Variants in CENPP observed in about 807,000 individuals in gnomAD.
The protein encoded by CENPP is centromere protein P.
A neutral mutation model predicts 35.6 loss-of-function variants in CENPP; 24 were observed. The ratio of observed to expected loss-of-function variants is 0.67; its 90% CI spans 0.49 to 0.95. The LOEUF (loss-of-function observed/expected upper bound fraction) is 0.95, where lower values mean the gene tolerates loss of function less well. Among genes scored for constraint, CENPP ranks in the 40% least tolerant of loss-of-function variants. CENPP has a pLI of 0.00. For synonymous variants in CENPP, 120 were observed against 125.5 expected (o/e 0.96, Z 0.29); for missense variants, 332 against 345.3 (o/e 0.96, Z 0.31).
intron 5 of CENPP, among the ~76,000 whole-genome samples, chr9:92,426,446 A>T (rs1003525248): frequency 6.6e-6 from 1 of 152,190 alleles, no homozygotes; most frequent in Non-Finnish European, 1.5e-5. Context: ...CTTTGTGCAG[A>T]TTTTAGATGC....
intron 5 of CENPP, among the ~76,000 whole-genome samples, chr9:92,437,933 G>A (rs184368523): frequency 4.6e-5 from 7 of 151,466 alleles, no homozygotes; most frequent in African/African-American, 7.3e-5. Flanking sequence ...TCAGCATCTC[G>A]AGTAGCTGAG....
intron 5 of CENPP, among the ~76,000 whole-genome samples, chr9:92,604,783 C>T (rs1439089619): frequency 3.3e-5 from 5 of 151,758 alleles, no homozygotes; most frequent in Admixed American, 2.0e-4. Flanking sequence ...TTAGTAGAGA[C>T]GGGTTTTACT....
chr9:92,509,850 T>A (rs1847229131), intron 5 of CENPP: 1 of 1,557,588 alleles, frequency 6.4e-7, no homozygotes, highest in Non-Finnish European at 8.6e-7. Context: ...CAGGACTATA[T>A]AGGAAAGATT....
chr9:92,358,596 C>T (rs1321650358), intron 4 of CENPP, among the ~76,000 whole-genome samples: 2 of 152,106 alleles, frequency 1.3e-5, no homozygotes, highest in African/African-American at 4.8e-5. Context: ...TTTTATTTCT[C>T]AGACTTGACA....
chr9:92,451,978 T>G (rs1844723842), intron 5 of CENPP, among the ~76,000 whole-genome samples: 1 of 151,286 alleles, frequency 6.6e-6, no homozygotes, highest in South Asian at 2.1e-4. Flanking sequence ...AAGTTGCTTA[T>G]CAGCTTAAGG....
chr9:92,550,233 T>G (rs1849559724), intron 5 of CENPP, among the ~76,000 whole-genome samples: 1 of 152,054 alleles, frequency 6.6e-6, no homozygotes, highest in African/African-American at 2.4e-5. Context: ...CCGTCTCTAC[T>G]AAAATACACA....
Position 92,599,211 on chromosome 9 carries a change from G to A in CENPP, c.565-12103G>A, listed in dbSNP as rs926289466. 5.9e-5 allele frequency among the ~76,000 whole-genome samples: 9 copies of A among 152,082 alleles called. No homozygotes were observed. In the South Asian group the frequency reaches 1.9e-3, roughly 32 times the overall value. ...TTGAAAACCATTTTACTATTCAGAAGCACAGAAATGGCCCAAACCAGGCCC... is the reference window on the plus strand; with the variant it reads ...TTGAAAACCATTTTACTATTCAGAAACACAGAAATGGCCCAAACCAGGCCC... On this transcript the variant is annotated intron_variant, in intron 5 of 7. Transcript: ENST00000375587.
At chr9:92,434,023 A>G (rs960341663) in intron 5 of CENPP, among the ~76,000 whole-genome samples, 2 of 152,206 alleles carry the variant, frequency 1.3e-5, no homozygotes, top group Non-Finnish European at 2.9e-5. Context: ...TATCATTCCC[A>G]AAGCACACTA....
At chr9:92,393,233 A>G in intron 5 of CENPP, 2 of 1,574,046 alleles carry the variant, frequency 1.3e-6, no homozygotes, top group Non-Finnish European at 1.7e-6. Flanking sequence ...CACAGCAGAC[A>G]CGTGGGCATT....
At chr9:92,552,080 C>CATATATGTGATATGATAGGTCTATCAT (rs1564000221) in intron 5 of CENPP, among the ~76,000 whole-genome samples, 2,160 of 74,676 alleles carry the variant, frequency 0.029, 205 homozygotes, top group Non-Finnish European at 0.036. Context: ...ATAGATCTAT[C>CATATATGTGATATGATAGGTCTATCAT]ATATATGTGA....
intron 5 of CENPP, chr9:92,493,858 A>G: frequency 3.1e-6 from 1 of 324,028 alleles, no homozygotes; most frequent in Non-Finnish European, 5.6e-6. Flanking sequence ...TTTTCTTGGG[A>G]TTCTGCAGCC....
rs114419485 is a variant in CENPP, at chr9:92,422,669, G to A, written c.564+42810G>A. ...GTTCCTAACCATGTAGTACAATCTT[G>A]TCCCACTCCCTTTGATTAAGTGCAG... On this transcript the variant is annotated intron_variant, in intron 5 of 7. Coordinates refer to ENST00000375587, the MANE Select transcript of CENPP (RefSeq NM_001012267.3). 3.2e-3 allele frequency among the ~76,000 whole-genome samples: 484 copies of A among 152,122 alleles called. 6 individuals carry two copies. The highest frequency in any genetic ancestry group is 0.01 in the Middle Eastern group (3 of 294).
intron 5 of CENPP, chr9:92,493,665 T>C (rs1485748937): frequency 6.5e-6 from 1 of 154,320 alleles, no homozygotes; most frequent in African/African-American, 2.4e-5. Context: ...TTGTGAAGAG[T>C]GTTTGCTATA....
chr9:92,466,258 A>G (rs1309739536), intron 5 of CENPP: 1 of 823,752 alleles, frequency 1.2e-6, no homozygotes, highest in African/African-American at 1.7e-5. Flanking sequence ...GATTATTCAA[A>G]AATTAATTTT....
intron 5 of CENPP, among the ~76,000 whole-genome samples, chr9:92,567,369 G>GAGAT (rs1554688219): frequency 3.8e-5 from 4 of 104,096 alleles, no homozygotes; most frequent in Admixed American, 9.7e-5. Context: ...AGTTACATAA[G>GAGAT]ATAGATATAT....
chr9:92,439,205 T>C (rs964013233), intron 5 of CENPP, among the ~76,000 whole-genome samples: 1 of 152,150 alleles, frequency 6.6e-6, no homozygotes, highest in African/African-American at 2.4e-5. Flanking sequence ...TGGCTAAATT[T>C]TAAAAATATA....
intron 5 of CENPP, chr9:92,509,899 C>A: frequency 6.9e-6 from 11 of 1,601,982 alleles, no homozygotes; most frequent in Non-Finnish European, 9.3e-6. Context: ...TATTAAATAC[C>A]TGATAAACTT....
chr9:92,378,503 T>C (rs1397874450), intron 4 of CENPP, among the ~76,000 whole-genome samples: 1 of 152,212 alleles, frequency 6.6e-6, no homozygotes, highest in African/African-American at 2.4e-5. Context: ...TCCTGAAGAC[T>C]CTACCTGTCC....
At chr9:92,358,932 CTCT>C (rs1321260808) in intron 4 of CENPP, among the ~76,000 whole-genome samples, 1 of 144,588 alleles carries the variant, frequency 6.9e-6, no homozygotes, top group Non-Finnish European at 1.5e-5. Flanking sequence ...TCTTTTGTAT[CTCT>C]TTTTTTTTCT....
Sources: allele counts gnomAD v4.1 joint callset (sites outside exome capture counted in the v4.1 genomes callset), GRCh38; gene constraint gnomAD v4.1.1; transcripts MANE v1.5; gene names NCBI Gene and HGNC (gene_info 2026-07-23, HGNC 2026-07-21).